Variants in PGR observed in about 807,000 individuals in gnomAD.
PGR encodes nuclear receptor subfamily 3 group C member 3.
Under a neutral mutation model 76.1 loss-of-function variants are expected in PGR, and 25 were observed. That is an observed-to-expected ratio of 0.33 (90% CI 0.24 to 0.46). The LOEUF (loss-of-function observed/expected upper bound fraction) is 0.46. Ranked by LOEUF, PGR falls within the 20% of genes least tolerant of loss-of-function variation. The pLI, the probability that PGR is intolerant of heterozygous loss-of-function variation, is 1.00. For synonymous variants in PGR, 579 were observed against 535.0 expected, an observed-to-expected ratio of 1.08 and a Z score of -1.14; for missense variants, 1,172 against 1,225.3, an observed-to-expected ratio of 0.96 and a Z score of 0.65.
chr11:101,050,815 C>T (rs990566080), intron 5 of PGR: 6 of 160,022 alleles, frequency 3.7e-5, no homozygotes, highest in Middle Eastern at 6.2e-4. Flanking sequence ...ATGCTGATTC[C>T]TTACTTATCT....
intron 6 of PGR, among the ~76,000 whole-genome samples, chr11:101,042,325 A>C (rs984169013): frequency 7.2e-5 from 11 of 152,180 alleles, no homozygotes; most frequent in African/African-American, 2.7e-4. Flanking sequence ...GGTATATTAA[A>C]GAACACTTCA....
chr11:101,030,326 T>A lies in PGR; in HGVS notation c.*8790A>T, dbSNP rs932162921. 4.4e-6 allele frequency: 1 copy of A among 225,450 alleles called. No homozygotes were observed. The highest frequency in any genetic ancestry group is 8.8e-6 in the Non-Finnish European group (1 of 113,182). The allele number at this position is 225,450 out of a possible 1,614,324, so 14.0% of individuals were successfully genotyped here. ...TCTACCATGTGCAAAACAGTCAAAG[T>A]ATGTTAGGGGAAATTTAAAACATTA... On this transcript the variant is annotated 3_prime_UTR_variant, in exon 8 of 8. Coordinates refer to ENST00000325455, the MANE Select transcript of PGR (RefSeq NM_000926.4).
At chr11:101,100,826 T>C (rs777607499) in intron 2 of PGR, among the ~76,000 whole-genome samples, 2 of 151,946 alleles carry the variant, frequency 1.3e-5, no homozygotes, top group Non-Finnish European at 2.9e-5. Context: ...GCTAATAACA[T>C]CCCATAATGC....
At chr11:101,098,996 G>T (rs1468424039) in intron 2 of PGR, among the ~76,000 whole-genome samples, 6 of 152,194 alleles carry the variant, frequency 3.9e-5, no homozygotes, top group Non-Finnish European at 8.8e-5. Flanking sequence ...AGGAACCTGG[G>T]CCAAGGAACA....
chr11:101,064,047 T>G (rs1311913561), intron 3 of PGR: 2 of 152,010 alleles, frequency 1.3e-5, no homozygotes, highest in Non-Finnish European at 2.9e-5. Flanking sequence ...CCCCAAGGAA[T>G]GGCCAGGCAT....
chr11:101,108,456 C>G (rs1023809381), intron 2 of PGR, among the ~76,000 whole-genome samples: 3 of 152,038 alleles, frequency 2.0e-5, no homozygotes, highest in Non-Finnish European at 4.4e-5. Context: ...CATGCCACTG[C>G]ACTCCAGCCT....
intron 2 of PGR, among the ~76,000 whole-genome samples, chr11:101,117,678 A>ATT (rs1277898567): frequency 2.7e-5 from 4 of 148,174 alleles, no homozygotes; most frequent in Non-Finnish European, 4.5e-5. Context: ...GCCAGGAGTC[A>ATT]CAATATTATT....
At chr11:101,103,846 A>G (rs1371224757) in intron 2 of PGR, among the ~76,000 whole-genome samples, 1 of 152,248 alleles carries the variant, frequency 6.6e-6, no homozygotes, top group African/African-American at 2.4e-5. Context: ...TGATCTAAAA[A>G]GTAAAATTTT....
intron 4 of PGR, among the ~76,000 whole-genome samples, chr11:101,061,081 CA>C (rs1181370437): frequency 1.3e-5 from 2 of 152,068 alleles, no homozygotes; most frequent in African/African-American, 4.8e-5. Context: ...CCAAAGAAAT[CA>C]TATTTTCCAA....
chr11:101,127,421 C>A lies in PGR; in HGVS notation c.1637+13G>T. The A allele has an allele frequency of 6.5e-7, 1 of 1,531,566 alleles. No individual in the cohort carries two copies. The highest frequency in any genetic ancestry group is 8.8e-7 in the Non-Finnish European group (1 of 1,139,346). 94.9% of individuals were successfully genotyped at this position (1,531,566 alleles called of 1,614,324 possible). A position where few individuals can be genotyped will look rare whatever the true frequency, so the allele number is the denominator to read the frequency against. Reference sequence around the variant, plus strand: ...CCCGGACGCGCTGGGCGTGCCCCGTCCCGGGCCCTCACCTCAGGTAGTTGA... The same window carrying A: ...CCCGGACGCGCTGGGCGTGCCCCGTACCGGGCCCTCACCTCAGGTAGTTGA... On this transcript the variant is annotated intron_variant, in intron 1 of 7. Coordinates refer to ENST00000325455, the MANE Select transcript of PGR (RefSeq NM_000926.4).
Position 101,129,685 on chromosome 11 carries a change from T to C in PGR, c.-615A>G, listed in dbSNP as rs1002473904. On this transcript the variant is annotated 5_prime_UTR_variant, in exon 1 of 8. Coordinates refer to ENST00000325455, the MANE Select transcript of PGR (RefSeq NM_000926.4). ...CTCCGAAGATCTCAGATCCCAGTAGTGCGGGAGCACTAGCCGCCTCGGGTT... is the reference window on the plus strand; with the variant it reads ...CTCCGAAGATCTCAGATCCCAGTAGCGCGGGAGCACTAGCCGCCTCGGGTT... The C allele has an allele frequency of 7.2e-5, 13 of 181,406 alleles. No homozygotes were observed. In the Admixed American group the frequency reaches 8.2e-4, roughly 11 times the overall value. 11.2% of individuals were successfully genotyped at this position (181,406 alleles called of 1,614,324 possible).
intron 2 of PGR, among the ~76,000 whole-genome samples, chr11:101,117,194 T>G (rs994240815): frequency 2.6e-5 from 4 of 152,204 alleles, no homozygotes; most frequent in African/African-American, 9.6e-5. Context: ...TGGTCATTAT[T>G]TGTTATTCAT....
chr11:101,063,464 A>G (rs1335838893), intron 3 of PGR: 4 of 152,210 alleles, frequency 2.6e-5, no homozygotes, highest in African/African-American at 9.7e-5. Context: ...ATGTTAGGGG[A>G]AAAAGATGGA....
In PGR at chr11:101,128,447, G is replaced by A; in HGVS notation, c.624C>T (p.Ala208=). The A allele has an allele frequency of 1.2e-6, 2 of 1,610,180 alleles. No homozygotes were observed. Among genetic ancestry groups the A allele is most frequent in the East Asian group, 2.2e-5 (1 of 44,838 alleles). Residue 208 remains alanine (A), a synonymous_variant, in exon 1 of 8, where the codon GCC becomes GCT. Coordinates refer to ENST00000325455, the MANE Select transcript of PGR (RefSeq NM_000926.4). ...CGGCCTGCGGAGACGGCTTCACTGG[G>A]GCCCCGGACCAGTGAGGGCTCTCAG... ...PASESPHWSG[A]PVKPSPQAAA...
At chr11:101,085,028 C>CT (rs1426719518) in intron 3 of PGR, among the ~76,000 whole-genome samples, 10 of 152,290 alleles carry the variant, frequency 6.6e-5, no homozygotes, top group Non-Finnish European at 1.3e-4. Context: ...ATTAGATCAT[C>CT]AAGGCAGAAG....
chr11:101,107,121 T>C (rs1160430319), intron 2 of PGR, among the ~76,000 whole-genome samples: 1 of 152,076 alleles, frequency 6.6e-6, no homozygotes, highest in East Asian at 1.9e-4. Context: ...AGGTGACGGG[T>C]TGACGGGTGC....
At chr11:101,042,124 G>C in intron 6 of PGR, 22 bp from the exon 7 acceptor site, 2 of 1,611,452 alleles carry the variant, frequency 1.2e-6, no homozygotes, top group Non-Finnish European at 1.7e-6. Context: ...ACAATTAAAA[G>C]TGGCAGTTGT....
rs1001121565 is a variant in PGR at position 101,031,664 on chromosome 11, G to A, written c.*7452C>T. The A allele has an allele frequency of 4.7e-6, 1 of 213,496 alleles. No individual in the cohort carries two copies. The highest frequency in any genetic ancestry group is 9.4e-6 in the Non-Finnish European group (1 of 106,790). 13.2% of individuals were successfully genotyped at this position (213,496 alleles called of 1,614,324 possible). ...TAATGGCATCTGATTATTTGATCATGACATCATTATTTGTATACAATGCAG... is the reference window on the plus strand; with the variant it reads ...TAATGGCATCTGATTATTTGATCATAACATCATTATTTGTATACAATGCAG... On this transcript the variant is annotated 3_prime_UTR_variant, in exon 8 of 8. Transcript: ENST00000325455.
At chr11:101,051,038 C>A in intron 5 of PGR, 1 of 186,934 alleles carries the variant, frequency 5.3e-6, no homozygotes, top group East Asian at 1.5e-4. Flanking sequence ...ATTTATCTTT[C>A]AATTTTTTAA....
Sources: gnomAD v4.1 joint callset for allele counts (sites outside exome capture counted in the v4.1 genomes callset) on GRCh38, gnomAD v4.1.1 for gene constraint, MANE v1.5 for transcripts, NCBI Gene and HGNC (gene_info 2026-07-23, HGNC 2026-07-21) for gene names.